ASIC2: variants seen among roughly 807,000 people sequenced by gnomAD.
ASIC2 encodes the protein acid sensing ion channel subunit 2.
Under a neutral mutation model 57.3 loss-of-function variants are expected in ASIC2, and 25 were observed. The observed-to-expected ratio is 0.44, with a 90% CI of 0.32 to 0.61. ASIC2 has a LOEUF of 0.61. Among genes scored for constraint, ASIC2 ranks in the 20% least tolerant of loss-of-function variants. The pLI is 0.06. For missense variants in ASIC2, 641 were observed against 738.1 expected, an observed-to-expected ratio of 0.87 and a Z score of 1.52; for synonymous variants, 319 against 307.5, an observed-to-expected ratio of 1.04 and a Z score of -0.39.
intron 1 of ASIC2, among the ~76,000 whole-genome samples, chr17:33,360,644 A>G (rs2141930736): frequency 6.6e-6 from 1 of 152,330 alleles, no homozygotes; most frequent in East Asian, 1.9e-4. Context: ...AGGTTTTCTT[A>G]AACGGAACTT....
At chr17:33,088,261 C>T (rs900562511) in intron 3 of ASIC2, among the ~76,000 whole-genome samples, 5 of 152,178 alleles carry the variant, frequency 3.3e-5, no homozygotes, top group African/African-American at 1.2e-4. Flanking sequence ...TGAGAGTTTG[C>T]GAAGGTCTCC....
intron 1 of ASIC2, among the ~76,000 whole-genome samples, chr17:33,689,934 C>T (rs192757549): frequency 2.8e-4 from 42 of 152,348 alleles, no homozygotes; most frequent in Middle Eastern, 3.4e-3. Context: ...CTCCAGAGGG[C>T]GTGCAGCCCT....
chr17:33,063,011 C>G (rs1283860615), intron 3 of ASIC2, among the ~76,000 whole-genome samples: 1 of 152,122 alleles, frequency 6.6e-6, no homozygotes, highest in African/African-American at 2.4e-5. Flanking sequence ...TTTCGATTTG[C>G]TTGGCAGATC....
At position 33,293,167 on chromosome 17, in the gene ASIC2, C is replaced by G. The variant is rs1905577534; in HGVS notation, c.-1052G>C. 6.6e-6 allele frequency among the ~76,000 whole-genome samples: 1 copy of G among 152,214 alleles called. No homozygotes were observed. Among genetic ancestry groups the G allele is most frequent in the Non-Finnish European group, 1.5e-5 (1 of 68,032 alleles). On this transcript the variant is annotated 5_prime_UTR_variant, in exon 1 of 10. Coordinates refer to ENST00000225823, the MANE Select transcript of ASIC2 (RefSeq NM_183377.2). ...GAGCTCGCGGTGGCCGTGACGCCGG[C>G]TAAGCTCCTTCCCCGGTTGCCCGGG...
At chr17:33,169,287 C>T (rs140166597) in intron 1 of ASIC2, among the ~76,000 whole-genome samples, 374 of 152,322 alleles carry the variant, frequency 2.5e-3, no homozygotes, top group Non-Finnish European at 4.3e-3. Flanking sequence ...TTTCCTGCCC[C>T]ACTCAGGGGA....
At chr17:33,910,883 T>A (rs576550585) in intron 1 of ASIC2, among the ~76,000 whole-genome samples, 1 of 152,304 alleles carries the variant, frequency 6.6e-6, no homozygotes, top group Non-Finnish European at 1.5e-5. Context: ...TGGGGGAGCT[T>A]GTCCAGTGGA....
intron 1 of ASIC2, among the ~76,000 whole-genome samples, chr17:34,076,256 T>C (rs886367639): frequency 5.3e-5 from 8 of 151,968 alleles, no homozygotes; most frequent in Non-Finnish European, 1.2e-4. Flanking sequence ...CCACCCGCCT[T>C]GGCCTCCCAA....
chr17:33,020,676 G>A (rs2091831833), intron 7 of ASIC2, among the ~76,000 whole-genome samples: 1 of 152,134 alleles, frequency 6.6e-6, no homozygotes. Flanking sequence ...AGATACCTGG[G>A]GAGAGTGGCC....
chr17:33,779,967 CTTTTT>C (rs759850922), intron 1 of ASIC2, among the ~76,000 whole-genome samples: 2 of 85,206 alleles, frequency 2.3e-5, no homozygotes, highest in Admixed American at 1.6e-4. Context: ...CTACAGAAGC[CTTTTT>C]TTTTTTTTTT....
At chr17:33,132,474 T>C (rs1030745135) in intron 1 of ASIC2, among the ~76,000 whole-genome samples, 2 of 152,076 alleles carry the variant, frequency 1.3e-5, no homozygotes, top group Non-Finnish European at 2.9e-5. Context: ...GGGCCAGTTG[T>C]TTTCAGGTCC....
At chr17:33,296,130 C>T (rs1362535716), upstream of ASIC2, among the ~76,000 whole-genome samples, 1 of 152,138 alleles carries the variant, frequency 6.6e-6, no homozygotes, top group Non-Finnish European at 1.5e-5. Flanking sequence ...TGTGGGACTT[C>T]CTAAGTGCTA....
At chr17:33,995,906 C>G (rs1413085572) in intron 1 of ASIC2, among the ~76,000 whole-genome samples, 3 of 152,112 alleles carry the variant, frequency 2.0e-5, no homozygotes, top group Non-Finnish European at 4.4e-5. Context: ...AAGAGTTAAT[C>G]TTTTAAGGAA....
At chr17:33,029,754 T>C (rs2091873962) in intron 3 of ASIC2, among the ~76,000 whole-genome samples, 1 of 152,244 alleles carries the variant, frequency 6.6e-6, no homozygotes, top group Non-Finnish European at 1.5e-5. Context: ...CCACCAGTAG[T>C]GTCTGAGAAT....
Position 34,059,726 on chromosome 17 carries a change from C to G in ASIC2, c.555+96252G>C, listed in dbSNP as rs552301124. On this transcript the variant is annotated intron_variant, in intron 1 of 9. Transcript: ENST00000359872. ...TGAGGCCTGTGACTGCCGGCTTTCC[C>G]CTACTTCCCTGACAACCTGCGTGAC... Among the ~76,000 whole-genome samples, 6 of 152,180 alleles carry G rather than the reference C, an allele frequency of 3.9e-5. No individual in the cohort carries two copies. In the East Asian group the frequency reaches 1.2e-3, roughly 29 times the overall value.
At chr17:34,038,840 C>G in intron 1 of ASIC2, 1 of 1,612,272 alleles carries the variant, frequency 6.2e-7, no homozygotes, top group Admixed American at 1.7e-5. Context: ...AGGAGGTTTC[C>G]GCTTTGCTAA....
Position 33,943,284 on chromosome 17 carries a change from G to A in ASIC2, c.555+212694C>T, listed in dbSNP as rs555838759. Among the ~76,000 whole-genome samples, 80 of 152,318 alleles carry A rather than the reference G, an allele frequency of 5.3e-4. 1 individual carries two copies. Among genetic ancestry groups the A allele is most frequent in the Middle Eastern group, 6.8e-3 (2 of 294 alleles). ...AGGTTGATATTGTAATGGAGAAACC[G>A]CAGAATGAGAACCCACTTCCCCATC... is the stretch of plus-strand genomic sequence containing the variant. On this transcript the variant is annotated intron_variant, in intron 1 of 9. Transcript: ENST00000359872.
chr17:33,668,185 G>T (rs1907537728), intron 1 of ASIC2, among the ~76,000 whole-genome samples: 1 of 151,582 alleles, frequency 6.6e-6, no homozygotes, highest in Non-Finnish European at 1.5e-5. Context: ...CCCCCTGCCT[G>T]GAGAGAAGGC....
intron 1 of ASIC2, among the ~76,000 whole-genome samples, chr17:33,500,325 T>G (rs1050578652): frequency 6.6e-6 from 1 of 152,138 alleles, no homozygotes; most frequent in Non-Finnish European, 1.5e-5. Flanking sequence ...CTGCCAACTC[T>G]GGGATCACAC....
rs968416664 is a variant in ASIC2 at position 33,725,953 on chromosome 17, C to G, written c.555+430025G>C. ...ACTCTGGAATACCCCAGGGTGCATTCTTATGGGGTTCCCAATTGGACCACC... is the reference window on the plus strand; with the variant it reads ...ACTCTGGAATACCCCAGGGTGCATTGTTATGGGGTTCCCAATTGGACCACC... On this transcript the variant is annotated intron_variant, in intron 1 of 9. Transcript: ENST00000359872. Among the ~76,000 whole-genome samples the G allele has an allele frequency of 2.2e-4, 34 of 152,186 alleles. 1 individual carries two copies. Among genetic ancestry groups the G allele is most frequent in the Admixed American group, 1.8e-3 (28 of 15,288 alleles).
Sources: allele counts gnomAD v4.1 joint callset (sites outside exome capture counted in the v4.1 genomes callset), GRCh38; gene constraint gnomAD v4.1.1; transcripts MANE v1.5; gene names NCBI Gene and HGNC (gene_info 2026-07-23, HGNC 2026-07-21).